Variants in TAPT1 observed in about 807,000 individuals in gnomAD.
TAPT1 encodes the protein transmembrane anterior posterior transformation 1.
A neutral mutation model predicts 65.6 loss-of-function variants in TAPT1; 28 were observed. The ratio of observed to expected loss-of-function variants is 0.43; its 90% confidence interval spans 0.32 to 0.59. The LOEUF (loss-of-function observed/expected upper bound fraction) is 0.59. Among genes scored for constraint, TAPT1 ranks in the 20% least tolerant of loss-of-function variants. TAPT1 has a pLI of 0.09. For synonymous variants in TAPT1, 278 were observed against 245.2 expected (o/e 1.13, Z -1.25); for missense variants, 563 against 679.9 (o/e 0.83, Z 1.91).
At chr4:16,201,353 G>A (rs1313306297) in intron 3 of TAPT1, among the ~76,000 whole-genome samples, 3 of 151,978 alleles carry the variant, frequency 2.0e-5, no homozygotes, top group Non-Finnish European at 4.4e-5. Context: ...AACTGCTATG[G>A]TTAAATTATT....
intron 2 of TAPT1, among the ~76,000 whole-genome samples, chr4:16,212,090 AGTTTTGCCACAGGAGGG>A (rs1750679698): frequency 3.3e-5 from 5 of 152,202 alleles, no homozygotes; most frequent in African/African-American, 1.2e-4. Context: ...ACTGCTCATT[AGTTTTGCCACAGGAGGG>A]GTAATAAAAG....
intron 10 of TAPT1, 93 bp from the exon 11 acceptor site, chr4:16,174,365 CAGGTG>C: frequency 8.8e-7 from 1 of 1,130,020 alleles, no homozygotes; most frequent in Non-Finnish European, 1.3e-6. Context: ...ATGTTCTAAA[CAGGTG>C]AGGCTATGGA....
chr4:16,225,355 C>T (rs1287367673), intron 1 of TAPT1, among the ~76,000 whole-genome samples: 1 of 152,210 alleles, frequency 6.6e-6, no homozygotes, highest in Admixed American at 6.5e-5. Context: ...GAAATAACGG[C>T]TAACACAGCC....
At chr4:16,168,150 G>A (rs376892631) in intron 12 of TAPT1, among the ~76,000 whole-genome samples, 2 of 151,090 alleles carry the variant, frequency 1.3e-5, no homozygotes, top group Non-Finnish European at 2.9e-5. Context: ...GTCTTGCATT[G>A]TCGCCCAGGC....
At chr4:16,177,902 AAAGC>A (rs1234004806) in intron 8 of TAPT1, among the ~76,000 whole-genome samples, 1 of 152,212 alleles carries the variant, frequency 6.6e-6, no homozygotes, top group Non-Finnish European at 1.5e-5. Context: ...TTCATCAATA[AAAGC>A]AAGTGCTCCA....
rs1750781722 is a variant in TAPT1 at position 16,213,900 on chromosome 4, T to C, written c.200-2A>G. 1 of 1,581,650 alleles carries C rather than the reference T, an allele frequency of 6.3e-7. No homozygotes were observed. The highest frequency in any genetic ancestry group is 8.5e-7 in the Non-Finnish European group (1 of 1,171,510). On this transcript the variant is annotated splice_acceptor_variant, in intron 1 of 13. Transcript: ENST00000405303. LOFTEE classifies it high-confidence loss of function. ...TGAGGAACCTCAACAATGAAAGCTC[T>C]ACAGAAAAGAAAATGACAGAAAACA...
chr4:16,223,527 T>C (rs772152582), intron 1 of TAPT1, among the ~76,000 whole-genome samples: 1 of 152,172 alleles, frequency 6.6e-6, no homozygotes, highest in South Asian at 2.1e-4. Context: ...ACAGGAATGA[T>C]GAGTGGGATT....
At chr4:16,173,020 C>T (rs1200073852) in intron 11 of TAPT1, among the ~76,000 whole-genome samples, 1 of 152,064 alleles carries the variant, frequency 6.6e-6, no homozygotes, top group Non-Finnish European at 1.5e-5. Flanking sequence ...GATGGGGTTT[C>T]ACCAAGTTAG....
chr4:16,200,901 C>G (rs575510030), intron 3 of TAPT1, among the ~76,000 whole-genome samples: 1 of 152,138 alleles, frequency 6.6e-6, no homozygotes, highest in Non-Finnish European at 1.5e-5. Context: ...CTTCTTAAAA[C>G]TTCTCCCAAA....
At chr4:16,220,114 T>C (rs1751163153) in intron 1 of TAPT1, among the ~76,000 whole-genome samples, 1 of 152,226 alleles carries the variant, frequency 6.6e-6, no homozygotes, top group Non-Finnish European at 1.5e-5. Context: ...GTTTCGCTTG[T>C]TTTTATTTTG....
At chr4:16,219,474 G>A (rs1197036470) in intron 1 of TAPT1, among the ~76,000 whole-genome samples, 3 of 152,168 alleles carry the variant, frequency 2.0e-5, no homozygotes, top group African/African-American at 7.2e-5. Flanking sequence ...GGTGAGTTCT[G>A]AATGTAAGGG....
At chr4:16,204,229 C>T (rs1367729617) in intron 2 of TAPT1, among the ~76,000 whole-genome samples, 1 of 152,236 alleles carries the variant, frequency 6.6e-6, no homozygotes, top group Non-Finnish European at 1.5e-5. Flanking sequence ...AGTTGCAACT[C>T]AGTCTGAAAA....
Position 16,204,510 on chromosome 4 carries a change from A to G in TAPT1, c.331-1930T>C, listed in dbSNP as rs190059376. ...TTCAAAATAATCTTTTGCTTAATTA[A>G]TATCTTCAGGTACTTCTTTAAAATA... On this transcript the variant is annotated intron_variant, in intron 2 of 13. Transcript: ENST00000405303. 7.2e-5 allele frequency among the ~76,000 whole-genome samples: 11 copies of G among 152,392 alleles called. 1 individual carries two copies. The highest frequency in any genetic ancestry group is 7.2e-4 in the Admixed American group (11 of 15,310).
At chr4:16,224,748 T>C (rs1190909865) in intron 1 of TAPT1, among the ~76,000 whole-genome samples, 1 of 152,076 alleles carries the variant, frequency 6.6e-6, no homozygotes, top group African/African-American at 2.4e-5. Context: ...TATAATGAAG[T>C]CCATGGAAGT....
chr4:16,161,951 G>A lies in TAPT1; in HGVS notation c.*1357C>T, dbSNP rs542946354. On this transcript the variant is annotated 3_prime_UTR_variant, in exon 14 of 14. Transcript: ENST00000405303. ...ACAGTACCATCTTCTGGACAGTTCT[G>A]ACACCAGAAGTTGTAGAAGTTTTAC... 16 of 152,266 alleles carry A rather than the reference G, an allele frequency of 1.1e-4. No homozygotes were observed. The highest frequency in any genetic ancestry group is 3.9e-4 in the African/African-American group (16 of 41,558). 9.4% of individuals were successfully genotyped at this position (152,266 alleles called of 1,614,324 possible). A position where few individuals can be genotyped will look rare whatever the true frequency, so the allele number is the denominator to read the frequency against.
chr4:16,223,214 C>T (rs1217903193), intron 1 of TAPT1, among the ~76,000 whole-genome samples: 1 of 152,180 alleles, frequency 6.6e-6, no homozygotes, highest in Non-Finnish European at 1.5e-5. Flanking sequence ...TTTCCTAATG[C>T]TTAGTCCAAA....
intron 1 of TAPT1, 114 bp downstream of exon 1, chr4:16,226,145 G>C (rs1751542334): frequency 4.9e-6 from 5 of 1,028,620 alleles, no homozygotes; most frequent in Non-Finnish European, 5.9e-6. Context: ...GGGGAGCCCC[G>C]GGAGGCAACG....
chr4:16,214,319 C>T (rs1750809807), intron 1 of TAPT1: 1 of 152,804 alleles, frequency 6.5e-6, no homozygotes, highest in Admixed American at 6.5e-5. Flanking sequence ...AAGAACCATC[C>T]TGGATGAACT....
At chr4:16,174,130 T>C (rs1560154550) in intron 11 of TAPT1, 74 bp downstream of exon 11, 37 of 1,191,844 alleles carry the variant, frequency 3.1e-5, no homozygotes, top group Non-Finnish European at 4.0e-5. Flanking sequence ...AACAATCATA[T>C]TAATAATCCA....
Sources: allele counts gnomAD v4.1 joint callset (sites outside exome capture counted in the v4.1 genomes callset), GRCh38; gene constraint gnomAD v4.1.1; transcripts MANE v1.5; gene names NCBI Gene and HGNC (gene_info 2026-07-23, HGNC 2026-07-21).